Variants in C1orf21 observed in about 807,000 individuals in gnomAD.
The protein encoded by C1orf21 is chromosome 1 open reading frame 21, also known as uncharacterized protein C1orf21.
C1orf21 carries 3 observed loss-of-function variants against 18.7 expected under a neutral mutation model. That is an observed-to-expected ratio of 0.16 (90% CI 0.07 to 0.42). The LOEUF is 0.42. C1orf21 is among the 10% of genes least tolerant of loss of function. The pLI is 0.99. For missense variants in C1orf21, 104 were observed against 143.6 expected (o/e 0.72, Z 1.41); for synonymous variants, 41 against 46.4 (o/e 0.88, Z 0.47).
At chr1:184,454,753 T>C (rs2101981053) in intron 1 of C1orf21, among the ~76,000 whole-genome samples, 1 of 152,186 alleles carries the variant, frequency 6.6e-6, no homozygotes, top group East Asian at 1.9e-4. Context: ...GAGGCCTCCC[T>C]AGAAGGTGGG....
intron 1 of C1orf21, among the ~76,000 whole-genome samples, chr1:184,388,659 C>G (rs1655924662): frequency 1.3e-5 from 2 of 150,720 alleles, no homozygotes; most frequent in South Asian, 4.2e-4. Flanking sequence ...ACTGTCCAGA[C>G]CGTTTGGGGA....
intron 1 of C1orf21, among the ~76,000 whole-genome samples, chr1:184,448,235 C>G (rs1571362492): frequency 6.6e-6 from 1 of 152,260 alleles, no homozygotes; most frequent in East Asian, 1.9e-4. Context: ...AGGCACACAT[C>G]ACTATGCCCA....
intron 3 of C1orf21, chr1:184,546,093 A>T (rs11806310): frequency 6.6e-6 from 1 of 152,148 alleles, no homozygotes; most frequent in Non-Finnish European, 1.5e-5. Context: ...TATTTCTTTC[A>T]TTACAGCATA....
At chr1:184,535,008 T>C (rs1283756794) in intron 3 of C1orf21, among the ~76,000 whole-genome samples, 1 of 149,966 alleles carries the variant, frequency 6.7e-6, no homozygotes, top group Admixed American at 6.7e-5. Context: ...GGACTTGAGG[T>C]CTTTGGGTGC....
intron 4 of C1orf21, among the ~76,000 whole-genome samples, chr1:184,592,416 A>C (rs1659452472): frequency 6.6e-6 from 1 of 152,232 alleles, no homozygotes; most frequent in Admixed American, 6.5e-5. Context: ...CATGTTCAAA[A>C]GTTAAAAAAC....
chr1:184,598,242 G>A (rs1659543831), intron 4 of C1orf21, among the ~76,000 whole-genome samples, 159 bp from the exon 5 acceptor site: 1 of 152,000 alleles, frequency 6.6e-6, no homozygotes, highest in East Asian at 1.9e-4. Context: ...CAGGATTACT[G>A]TACTGTTTAT....
intron 3 of C1orf21, among the ~76,000 whole-genome samples, chr1:184,535,787 A>C (rs1310460366): frequency 6.6e-6 from 1 of 152,208 alleles, no homozygotes; most frequent in Non-Finnish European, 1.5e-5. Flanking sequence ...GTATAAATAC[A>C]GTACAACTCA....
intron 3 of C1orf21, among the ~76,000 whole-genome samples, chr1:184,563,207 CTCTT>C (rs1215160846): frequency 3.9e-5 from 6 of 152,192 alleles, no homozygotes; most frequent in African/African-American, 1.4e-4. Context: ...GAGACACTGC[CTCTT>C]TCTTTAGGTT....
chr1:184,515,485 G>A (rs775081297), intron 3 of C1orf21, among the ~76,000 whole-genome samples: 10 of 152,196 alleles, frequency 6.6e-5, no homozygotes, highest in South Asian at 2.1e-4. Flanking sequence ...ATCACCGGGC[G>A]TCGTTACGTA....
chr1:184,567,561 T>C, intron 3 of C1orf21: 1 of 495,090 alleles, frequency 2.0e-6, no homozygotes, highest in Non-Finnish European at 4.0e-6. Flanking sequence ...GTGATCAGCC[T>C]CCCTCTGGAT....
rs115412660 is a variant in C1orf21, at chr1:184,490,951, A to G, written c.94+13348A>G. ...TGTGAAAAAAAAAAAGCATTTTATA[A>G]CTATGTAGGTGGTGACATTGAGAAA... On this transcript the variant is annotated intron_variant, in intron 2 of 5. Coordinates refer to ENST00000235307, the MANE Select transcript of C1orf21 (RefSeq NM_030806.4). Among the ~76,000 whole-genome samples the G allele has an allele frequency of 2.6e-3, 400 of 152,270 alleles. 2 individuals carry two copies. Among genetic ancestry groups the G allele is most frequent in the African/African-American group, 9.1e-3 (377 of 41,550 alleles).
At chr1:184,535,403 T>C (rs886293884) in intron 3 of C1orf21, among the ~76,000 whole-genome samples, 3 of 152,222 alleles carry the variant, frequency 2.0e-5, no homozygotes, top group Admixed American at 1.3e-4. Context: ...AAGAATTTCT[T>C]GTTTTCCACA....
At chr1:184,418,182 T>C (rs1322284657) in intron 1 of C1orf21, among the ~76,000 whole-genome samples, 1 of 152,128 alleles carries the variant, frequency 6.6e-6, no homozygotes, top group Non-Finnish European at 1.5e-5. Context: ...ACCACTGTGC[T>C]GAATCAGAGG....
At chr1:184,587,223 C>G (rs1659366319) in intron 3 of C1orf21, among the ~76,000 whole-genome samples, 1 of 128,958 alleles carries the variant, frequency 7.8e-6, no homozygotes, top group Admixed American at 7.9e-5. Flanking sequence ...ATGCCTCCAG[C>G]TTTGTTCTTT....
intron 1 of C1orf21, among the ~76,000 whole-genome samples, chr1:184,393,206 A>C (rs1656000252): frequency 6.6e-6 from 1 of 152,124 alleles, no homozygotes; most frequent in Non-Finnish European, 1.5e-5. Flanking sequence ...TTTCCAGTAC[A>C]GTATTTTAAC....
At chr1:184,418,048 C>T (rs1382779701) in intron 1 of C1orf21, among the ~76,000 whole-genome samples, 1 of 152,178 alleles carries the variant, frequency 6.6e-6, no homozygotes, top group Non-Finnish European at 1.5e-5. Flanking sequence ...CTATTCTTAG[C>T]CAAATAAGTG....
At chr1:184,534,963 C>T (rs1158898994) in intron 3 of C1orf21, among the ~76,000 whole-genome samples, 1 of 151,962 alleles carries the variant, frequency 6.6e-6, no homozygotes, top group Non-Finnish European at 1.5e-5. Context: ...CAAAGAGGAG[C>T]AGTGAGGGGC....
At chr1:184,534,959 G>A (rs1031007958) in intron 3 of C1orf21, among the ~76,000 whole-genome samples, 1 of 152,144 alleles carries the variant, frequency 6.6e-6, no homozygotes, top group Non-Finnish European at 1.5e-5. Flanking sequence ...GCAGCAAAGA[G>A]GAGCAGTGAG....
intron 1 of C1orf21, among the ~76,000 whole-genome samples, chr1:184,445,045 C>G (rs1321861090): frequency 6.6e-6 from 1 of 152,176 alleles, no homozygotes; most frequent in Non-Finnish European, 1.5e-5. Flanking sequence ...TGGATTACTG[C>G]TTTCATAGAG....
Sources: gnomAD v4.1 joint callset for allele counts (sites outside exome capture counted in the v4.1 genomes callset) on GRCh38, gnomAD v4.1.1 for gene constraint, MANE v1.5 for transcripts, NCBI Gene and HGNC (gene_info 2026-07-23, HGNC 2026-07-21) for gene names.